The following KTN1 variants were observed in gnomAD, a reference collection of about 807,000 sequenced individuals.
The protein encoded by KTN1 is kinectin.
In KTN1, 130 loss-of-function variants were observed where a neutral mutation model predicts 222.5. The observed-to-expected ratio is 0.58, with a 90% confidence interval of 0.51 to 0.68. KTN1 has a LOEUF of 0.68. Among genes scored for constraint, KTN1 ranks in the 30% least tolerant of loss-of-function variants. The pLI is 0.00. For synonymous variants in KTN1, 512 were observed against 496.3 expected (o/e 1.03, Z -0.42); for missense variants, 1,508 against 1,500.4 (o/e 1.01, Z -0.08).
chr14:55,614,734 A>G (rs578225261), intron 2 of KTN1, among the ~76,000 whole-genome samples: 108 of 152,328 alleles, frequency 7.1e-4, no homozygotes, highest in African/African-American at 2.2e-3. Context: ...GCAGACTTGA[A>G]TAGTTGTACC....
chr14:55,640,464 G>A (rs1595032320), intron 15 of KTN1, 22 bp downstream of exon 15: 3 of 1,544,246 alleles, frequency 1.9e-6, no homozygotes, highest in Non-Finnish European at 1.8e-6. Context: ...TTGCTTTTGA[G>A]CATTGATCTC....
intron 1 of KTN1, 91 bp downstream of exon 1, chr14:55,580,445 G>C (rs2031094666): frequency 6.8e-6 from 1 of 146,446 alleles, no homozygotes; most frequent in Admixed American, 6.8e-5. Flanking sequence ...GGGCAGGCGG[G>C]AGGGCCGCGC....
chr14:55,636,644 A>G (rs2041156827), intron 10 of KTN1, 108 bp downstream of exon 10: 12 of 687,268 alleles, frequency 1.7e-5, no homozygotes, highest in Middle Eastern at 2.5e-4. Flanking sequence ...TTATAGCTCA[A>G]TAAAAATAGC....
At chr14:55,641,630 C>A in intron 17 of KTN1, 62 bp from the exon 18 acceptor site, 1 of 1,038,778 alleles carries the variant, frequency 9.6e-7, no homozygotes, top group Non-Finnish European at 1.5e-6. Flanking sequence ...AAAACCCATT[C>A]AAATGATTGC....
chr14:55,589,478 A>G (rs899198692), intron 1 of KTN1, among the ~76,000 whole-genome samples: 1 of 151,066 alleles, frequency 6.6e-6, no homozygotes, highest in Admixed American at 6.6e-5. Context: ...TCTCGCTAAT[A>G]TTTGTATTTT....
At chr14:55,646,486 TTTCCTTTCCTTTCCTTTCC>T (rs2042344828) in intron 18 of KTN1, among the ~76,000 whole-genome samples, 10 of 99,690 alleles carry the variant, frequency 1.0e-4, no homozygotes, top group Admixed American at 2.2e-4. Flanking sequence ...TTTCCTTTCC[TTTCCTTTCCTTTCCTTTCC>T]TTTCCTTTCC....
At chr14:55,622,500 G>A (rs979072664) in intron 5 of KTN1, among the ~76,000 whole-genome samples, 29 of 152,138 alleles carry the variant, frequency 1.9e-4, no homozygotes, top group African/African-American at 6.3e-4. Flanking sequence ...TGGGAAAGGT[G>A]ACAAATTTTC....
intron 5 of KTN1, among the ~76,000 whole-genome samples, chr14:55,625,016 G>C (rs1386977210): frequency 6.6e-6 from 1 of 152,204 alleles, no homozygotes. Flanking sequence ...GGTTGGAGCA[G>C]GGATGTTATG....
Position 55,634,527 on chromosome 14 carries a change from C to T in KTN1, c.1330C>T (p.Gln444Ter). 6.2e-7 allele frequency: 1 copy of T among 1,602,746 alleles called. No individual in the cohort carries two copies. Among genetic ancestry groups the T allele is most frequent in the Non-Finnish European group, 8.5e-7 (1 of 1,176,420 alleles). Reference protein sequence around the residue: ...SNTTNQLESKQSAELNKLRQD... With the variant: ...SNTTNQLESK ...TCCTAATCCAGTTACTGTTTTCAGGCAGTCTGCAGAACTAAATAAACTACG... is the reference window on the plus strand; with the variant it reads ...TCCTAATCCAGTTACTGTTTTCAGGTAGTCTGCAGAACTAAATAAACTACG... Residue 444 changes from glutamine to a stop codon, truncating the protein, a stop_gained and splice_region_variant, in exon 9 of 44, where the codon CAG becomes TAG. Coordinates refer to ENST00000395314, the MANE Select transcript of KTN1 (RefSeq NM_001079521.2). LOFTEE classifies it high-confidence loss of function.
chr14:55,643,776 C>T (rs2042024498), intron 18 of KTN1, among the ~76,000 whole-genome samples: 1 of 152,056 alleles, frequency 6.6e-6, no homozygotes, highest in African/African-American at 2.4e-5. Flanking sequence ...CATTGTAATA[C>T]CTTATGTAAA....
intron 41 of KTN1, among the ~76,000 whole-genome samples, chr14:55,676,809 T>G (rs1183543066): frequency 6.6e-6 from 1 of 152,214 alleles, no homozygotes; most frequent in Non-Finnish European, 1.5e-5. Flanking sequence ...AATTGTTATG[T>G]AAAAGTCTAG....
intron 1 of KTN1, among the ~76,000 whole-genome samples, chr14:55,587,679 G>T (rs1286564099): frequency 1.3e-5 from 2 of 152,090 alleles, no homozygotes; most frequent in Non-Finnish European, 2.9e-5. Context: ...TTCATAATCT[G>T]GGTCTCTTGA....
chr14:55,663,038 T>A, intron 32 of KTN1: 1 of 449,092 alleles, frequency 2.2e-6, no homozygotes. Context: ...TTTCTGTGTA[T>A]ACTTGGCTCA....
At chr14:55,646,448 T>TTTCC (rs1491064961) in intron 18 of KTN1, among the ~76,000 whole-genome samples, 903 of 65,944 alleles carry the variant, frequency 0.014, 61 homozygotes, top group East Asian at 0.031. Flanking sequence ...TTCCTTTTCC[T>TTTCC]TTTCCTTTTC....
rs529296804 is a variant in KTN1 at position 55,580,330 on chromosome 14, C to A, written c.-55C>A. On this transcript the variant is annotated 5_prime_UTR_variant, in exon 1 of 44. Transcript: ENST00000395314. The stretch of plus-strand genomic sequence containing the variant: ...TAGTGCCGGCGCCGCCGCGTCTTCC[C>A]GGTCTCCTTTCCCGGCCGCACAGGG... The A allele has an allele frequency of 1.3e-5, 2 of 148,826 alleles. No individual in the cohort carries two copies. The highest frequency in any genetic ancestry group is 1.8e-4 in the South Asian group (1 of 5,422). The allele number at this position is 148,826 out of a possible 1,614,324, so 9.2% of individuals were successfully genotyped here. A position where few individuals can be genotyped will look rare whatever the true frequency, so the allele number is the denominator to read the frequency against.
At chr14:55,610,196 C>T (rs938289538) in intron 1 of KTN1, among the ~76,000 whole-genome samples, 1 of 152,116 alleles carries the variant, frequency 6.6e-6, no homozygotes, top group Non-Finnish European at 1.5e-5. Flanking sequence ...GACAGTCATT[C>T]CTTGGTATAT....
intron 4 of KTN1, 27 bp from the exon 5 acceptor site, chr14:55,619,151 CTCTT>C (rs1441423015): frequency 1.3e-6 from 2 of 1,568,226 alleles, no homozygotes; most frequent in African/African-American, 2.7e-5. Flanking sequence ...TAAATGCCAA[CTCTT>C]TGTTTGTTTG....
chr14:55,642,197 GATT>G (rs1340189651), intron 18 of KTN1, among the ~76,000 whole-genome samples: 1 of 152,134 alleles, frequency 6.6e-6, no homozygotes, highest in Admixed American at 6.5e-5. Context: ...TTCACATGGA[GATT>G]ATATTATATT....
Position 55,634,662 on chromosome 14 carries a change from A to C in KTN1, c.1461+4A>C, listed in dbSNP as rs747997693. The C allele has an allele frequency of 6.2e-7, 1 of 1,607,632 alleles. No homozygotes were observed. The highest frequency in any genetic ancestry group is 1.3e-5 in the African/African-American group (1 of 74,376). On this transcript the variant is annotated splice_donor_region_variant and intron_variant, in intron 9 of 43. Coordinates refer to ENST00000395314, the MANE Select transcript of KTN1 (RefSeq NM_001079521.2). ...GCAAGCAGCTACTCAGTTGAAGGTGATATATTCTCACCTTTATTTGTCATT... is the reference window on the plus strand; with the variant it reads ...GCAAGCAGCTACTCAGTTGAAGGTGCTATATTCTCACCTTTATTTGTCATT...
Sources: gnomAD v4.1 joint callset for allele counts (sites outside exome capture counted in the v4.1 genomes callset) on GRCh38, gnomAD v4.1.1 for gene constraint, MANE v1.5 for transcripts, NCBI Gene and HGNC (gene_info 2026-07-23, HGNC 2026-07-21) for gene names.